The following GRM7 variants were observed in gnomAD, a reference collection of about 807,000 sequenced individuals.
GRM7 encodes glutamate metabotropic receptor 7.
A neutral mutation model predicts 84.5 loss-of-function variants in GRM7; 35 were observed. The observed-to-expected ratio is 0.41, with a 90% CI of 0.32 to 0.55. The LOEUF (loss-of-function observed/expected upper bound fraction) is 0.55, where lower values mean the gene tolerates loss of function less well. Among genes scored for constraint, GRM7 ranks in the 20% least tolerant of loss-of-function variants. The probability of loss-of-function intolerance (pLI) is 0.19; values close to 1 mark genes in which losing one functional copy is unlikely to be tolerated. For missense variants in GRM7, 1,003 were observed against 1,194.6 expected (o/e 0.84, Z 2.36); for synonymous variants, 487 against 455.1 (o/e 1.07, Z -0.89).
At chr3:7,005,798 T>C (rs559679532) in intron 1 of GRM7, among the ~76,000 whole-genome samples, 2 of 152,310 alleles carry the variant, frequency 1.3e-5, no homozygotes, top group African/African-American at 2.4e-5. Context: ...TTCTGCTGCC[T>C]CTTTTTATAG....
At chr3:7,284,590 G>A (rs75930313) in intron 2 of GRM7, among the ~76,000 whole-genome samples, 3,322 of 151,964 alleles carry the variant, frequency 0.022, 136 homozygotes, top group African/African-American at 0.074. Context: ...TCTCTGATTC[G>A]GGTTTACTCC....
chr3:7,064,968 T>C (rs1490019454), intron 1 of GRM7, among the ~76,000 whole-genome samples: 1 of 152,048 alleles, frequency 6.6e-6, no homozygotes, highest in Admixed American at 6.6e-5. Flanking sequence ...CATATGTTCA[T>C]TGGCCATTTG....
chr3:6,952,643 G>A (rs1442994714), intron 1 of GRM7, among the ~76,000 whole-genome samples: 1 of 152,190 alleles, frequency 6.6e-6, no homozygotes, highest in Non-Finnish European at 1.5e-5. Context: ...TCTCTCAGGG[G>A]AAAACTGATC....
At chr3:7,627,011 G>A (rs1444247222) in intron 8 of GRM7, among the ~76,000 whole-genome samples, 3 of 151,678 alleles carry the variant, frequency 2.0e-5, no homozygotes, top group African/African-American at 7.3e-5. Flanking sequence ...TGATGGTTGG[G>A]TAGAAAAGAA....
chr3:6,884,925 A>C (rs1202724148), intron 1 of GRM7, among the ~76,000 whole-genome samples: 1 of 152,164 alleles, frequency 6.6e-6, no homozygotes, highest in Non-Finnish European at 1.5e-5. Flanking sequence ...TGTGAGGTAG[A>C]AATAACACAT....
chr3:7,025,507 T>A (rs368992513), intron 1 of GRM7, among the ~76,000 whole-genome samples: 11 of 152,290 alleles, frequency 7.2e-5, no homozygotes, highest in East Asian at 1.9e-4. Flanking sequence ...AGAAGTGTCT[T>A]CAAAGTATGA....
chr3:6,927,221 A>G (rs1159625390), intron 1 of GRM7, among the ~76,000 whole-genome samples: 1 of 152,120 alleles, frequency 6.6e-6, no homozygotes, highest in Non-Finnish European at 1.5e-5. Flanking sequence ...TGAGGCCAGG[A>G]GTTTGAGACC....
At chr3:7,410,963 GC>G (rs1695911692) in intron 4 of GRM7, among the ~76,000 whole-genome samples, 1 of 152,174 alleles carries the variant, frequency 6.6e-6, no homozygotes, top group East Asian at 1.9e-4. Flanking sequence ...TGGTGCCACT[GC>G]CCTCTGAAGG....
chr3:7,188,902 A>G lies in GRM7; in HGVS notation c.736+42234A>G, dbSNP rs1013134228. ...CACCTACGGTTTTAAAGAAATGCAC[A>G]AATATTGTATTAAGTTTCTATTGTC... On this transcript the variant is annotated intron_variant, in intron 2 of 9. Transcript: ENST00000357716. This position sits in a 1 kb window ranked among gnomAD's most constrained non-coding sequence, Gnocchi z 4.2. Among the ~76,000 whole-genome samples, 14 of 152,208 alleles carry G rather than the reference A, an allele frequency of 9.2e-5. No homozygotes were observed. The highest frequency in any genetic ancestry group is 3.4e-4 in the African/African-American group (14 of 41,454).
At position 7,651,332 on chromosome 3, in the gene GRM7, T is replaced by A. The variant is rs1698929311; in HGVS notation, c.2452-28717T>A. On this transcript the variant is annotated intron_variant, in intron 8 of 9. Coordinates refer to ENST00000357716, the MANE Select transcript of GRM7 (RefSeq NM_000844.4). ...AAATGCATCCTGTAAGCTTCCTCCT[T>A]CAGTATTCATTTGAGTTGTCTATGA... Among the ~76,000 whole-genome samples, 3 of 152,198 alleles carry A rather than the reference T, an allele frequency of 2.0e-5. 1 individual carries two copies. In the South Asian group the frequency reaches 6.2e-4, roughly 32 times the overall value.
rs144540798 is a variant in GRM7, at chr3:7,729,585, G to A, written c.2699-10772G>A. ...AAATAAGGTTATGTTGTGACTGGAG[G>A]GGTATAGGTAACTAACGCTGTATTT... is the stretch of plus-strand genomic sequence containing the variant. On this transcript the variant is annotated intron_variant, in intron 9 of 9. Transcript: ENST00000357716. 4.3e-4 allele frequency among the ~76,000 whole-genome samples: 66 copies of A among 152,302 alleles called. 1 individual carries two copies. The East Asian group carries it at 5.8e-3, about 13-fold the overall frequency.
chr3:7,650,175 T>C (rs1223009999), intron 8 of GRM7, among the ~76,000 whole-genome samples: 1 of 151,746 alleles, frequency 6.6e-6, no homozygotes. Context: ...TGCTATTAAG[T>C]AACATTAGTG....
At chr3:7,160,040 C>T (rs1694575571) in intron 2 of GRM7, among the ~76,000 whole-genome samples, 1 of 151,994 alleles carries the variant, frequency 6.6e-6, no homozygotes, top group African/African-American at 2.4e-5. Flanking sequence ...AAAAGTTGGG[C>T]TTTTAGGGAT....
At chr3:7,500,506 G>A (rs1412647849) in intron 7 of GRM7, among the ~76,000 whole-genome samples, 1 of 152,230 alleles carries the variant, frequency 6.6e-6, no homozygotes, top group African/African-American at 2.4e-5. Context: ...CATTGAACCT[G>A]ACCTTATCCA....
intron 1 of GRM7, among the ~76,000 whole-genome samples, chr3:6,996,791 C>T (rs1389314212): frequency 1.3e-5 from 2 of 152,134 alleles, no homozygotes; most frequent in Non-Finnish European, 2.9e-5. Context: ...GAAACCTGAG[C>T]CAAGGATTCC....
intron 1 of GRM7, among the ~76,000 whole-genome samples, chr3:6,997,039 G>A (rs193173944): frequency 1.9e-4 from 29 of 152,286 alleles, no homozygotes; most frequent in African/African-American, 6.7e-4. Context: ...CAAGAAAAAT[G>A]TTAGTAATCT....
chr3:7,336,754 C>G (rs1022822194), intron 4 of GRM7, among the ~76,000 whole-genome samples: 3 of 151,432 alleles, frequency 2.0e-5, no homozygotes, highest in Non-Finnish European at 4.4e-5. Context: ...CAAGAGCGAC[C>G]AAGCTGAGAA....
intron 1 of GRM7, among the ~76,000 whole-genome samples, chr3:7,054,425 T>C (rs1034512037): frequency 2.6e-5 from 4 of 151,054 alleles, no homozygotes; most frequent in African/African-American, 9.7e-5. Flanking sequence ...TGGCTATATA[T>C]GTATCTTTAA....
chr3:7,445,896 C>A (rs1476644543), intron 5 of GRM7, among the ~76,000 whole-genome samples: 1 of 152,088 alleles, frequency 6.6e-6, no homozygotes, highest in Non-Finnish European at 1.5e-5. Flanking sequence ...TTTCAGAACC[C>A]AGCAACATTC....
Sources: allele counts gnomAD v4.1 joint callset (sites outside exome capture counted in the v4.1 genomes callset), GRCh38; gene constraint gnomAD v4.1.1; non-coding constraint Gnocchi (gnomAD v3.1); transcripts MANE v1.5; gene names NCBI Gene and HGNC (gene_info 2026-07-23, HGNC 2026-07-21).